Variants in WASHC3 observed in about 807,000 individuals in gnomAD.
WASHC3 encodes WASH complex subunit CCDC53.
WASHC3 carries 24 observed loss-of-function variants against 26.1 expected under a neutral mutation model. The ratio of observed to expected loss-of-function variants is 0.92; its 90% CI spans 0.66 to 1.29. The LOEUF (loss-of-function observed/expected upper bound fraction) is 1.29, where lower values mean the gene tolerates loss of function less well. WASHC3 is among the 50% of genes most tolerant of loss of function. WASHC3 has a pLI of 0.00. For synonymous variants in WASHC3, 77 were observed against 75.7 expected (o/e 1.02, Z -0.09); for missense variants, 214 against 229.6 (o/e 0.93, Z 0.44).
At chr12:102,026,146 T>C (rs1215975351) in intron 5 of WASHC3, 108 bp from the exon 6 acceptor site, 2 of 623,686 alleles carry the variant, frequency 3.2e-6, no homozygotes, top group Non-Finnish European at 5.5e-6. Context: ...TAAAAGTTCT[T>C]ATTCTACTTT....
Position 102,012,980 on chromosome 12 carries a change from TAGA to T in WASHC3, c.*125_*127del. The T allele has an allele frequency of 1.9e-6, 1 of 515,342 alleles. No individual in the cohort carries two copies. The highest frequency in any genetic ancestry group is 3.4e-6 in the Non-Finnish European group (1 of 293,128). The allele number at this position is 515,342 out of a possible 1,614,324, so 31.9% of individuals were successfully genotyped here. A position where few individuals can be genotyped will look rare whatever the true frequency, so the allele number is the denominator to read the frequency against. ...CTGCTTTATTATTATTTTTTTAACA[TAGA>T]AGAAGCTTGGTAGTGGACATGTGGC... On this transcript the variant is annotated 3_prime_UTR_variant, in exon 7 of 7. Coordinates refer to ENST00000240079, the MANE Select transcript of WASHC3 (RefSeq NM_016053.4).
At chr12:102,050,806 G>A (rs963335886) in intron 2 of WASHC3, among the ~76,000 whole-genome samples, 11 of 152,198 alleles carry the variant, frequency 7.2e-5, no homozygotes, top group Admixed American at 4.6e-4. Context: ...GTTGCTTCCT[G>A]CCAACCCCTC....
chr12:102,016,691 T>C (rs1054209484), intron 6 of WASHC3, among the ~76,000 whole-genome samples: 5 of 152,226 alleles, frequency 3.3e-5, no homozygotes, highest in African/African-American at 9.7e-5. Flanking sequence ...AACAGTCATA[T>C]TGATGATCCT....
chr12:102,040,023 G>T, intron 4 of WASHC3, 45 bp from the exon 5 acceptor site: 2 of 845,004 alleles, frequency 2.4e-6, no homozygotes, highest in Non-Finnish European at 3.8e-6. Flanking sequence ...TTTACAAAAG[G>T]GGTCTATCAT....
chr12:102,025,494 G>C (rs998495280), intron 6 of WASHC3, among the ~76,000 whole-genome samples: 2 of 151,484 alleles, frequency 1.3e-5, no homozygotes, highest in African/African-American at 4.9e-5. Flanking sequence ...CATAGACCCA[G>C]AACAGCTTTA....
At chr12:102,046,861 C>T (rs775349502) in intron 2 of WASHC3, among the ~76,000 whole-genome samples, 1 of 152,094 alleles carries the variant, frequency 6.6e-6, no homozygotes, top group East Asian at 1.9e-4. Flanking sequence ...CAAGGTCTGC[C>T]TTTATAAATT....
intron 2 of WASHC3, among the ~76,000 whole-genome samples, chr12:102,051,468 C>G (rs1466512605): frequency 6.6e-6 from 1 of 152,196 alleles, no homozygotes; most frequent in African/African-American, 2.4e-5. Context: ...TATATTACAT[C>G]AAACAGACAT....
intron 2 of WASHC3, among the ~76,000 whole-genome samples, chr12:102,049,770 G>GT (rs1303422002): frequency 3.3e-5 from 5 of 152,140 alleles, no homozygotes; most frequent in African/African-American, 4.8e-5. Flanking sequence ...GCAATGAATG[G>GT]TTTTATTAGG....
intron 4 of WASHC3, chr12:102,043,808 TTTC>T (rs1347544617): frequency 1.1e-4 from 17 of 161,362 alleles, no homozygotes; most frequent in Non-Finnish European, 2.2e-4. Flanking sequence ...TAAAAGTACA[TTTC>T]TTCTAAGAAC....
chr12:102,038,745 A>G (rs1877789045), intron 5 of WASHC3, among the ~76,000 whole-genome samples: 1 of 152,118 alleles, frequency 6.6e-6, no homozygotes, highest in Admixed American at 6.6e-5. Flanking sequence ...GGCTTCAGAA[A>G]AAAAGAACTG....
At chr12:102,031,112 T>C (rs909377570) in intron 5 of WASHC3, among the ~76,000 whole-genome samples, 1 of 152,220 alleles carries the variant, frequency 6.6e-6, no homozygotes, top group African/African-American at 2.4e-5. Context: ...TCTGTAAAAC[T>C]GGCATAATCA....
At chr12:102,039,543 G>C (rs1877849304) in intron 5 of WASHC3, among the ~76,000 whole-genome samples, 1 of 152,066 alleles carries the variant, frequency 6.6e-6, no homozygotes, top group African/African-American at 2.4e-5. Context: ...GATTAAGCTA[G>C]AGTCAACTGA....
intron 2 of WASHC3, among the ~76,000 whole-genome samples, chr12:102,059,048 T>C (rs1446059147): frequency 6.6e-6 from 1 of 151,828 alleles, no homozygotes; most frequent in Admixed American, 6.6e-5. Flanking sequence ...GGGCTTGGGG[T>C]TAAGAGGATT....
chr12:102,026,086 A>G (rs1313273267), intron 5 of WASHC3, 48 bp from the exon 6 acceptor site: 7 of 1,028,162 alleles, frequency 6.8e-6, no homozygotes, highest in Non-Finnish European at 1.0e-5. Flanking sequence ...TGTCTCCTTT[A>G]TATGTCGACA....
At chr12:102,020,275 A>G (rs1876896240) in intron 6 of WASHC3, among the ~76,000 whole-genome samples, 1 of 152,210 alleles carries the variant, frequency 6.6e-6, no homozygotes, top group Non-Finnish European at 1.5e-5. Flanking sequence ...ACACCAAGGA[A>G]GTAAAGGTAG....
intron 6 of WASHC3, among the ~76,000 whole-genome samples, chr12:102,016,543 G>GA (rs1021083236): frequency 6.6e-6 from 1 of 151,566 alleles, no homozygotes; most frequent in Non-Finnish European, 1.5e-5. Flanking sequence ...CTTACTTTTT[G>GA]AAAAAAAAGT....
At chr12:102,026,937 G>A (rs1877219078) in intron 5 of WASHC3, among the ~76,000 whole-genome samples, 2 of 152,078 alleles carry the variant, frequency 1.3e-5, no homozygotes, top group African/African-American at 4.8e-5. Flanking sequence ...GGCATAAGAA[G>A]GAAAGTACAC....
chr12:102,017,809 AT>A (rs1389973766), intron 6 of WASHC3: 1 of 437,066 alleles, frequency 2.3e-6, no homozygotes, highest in East Asian at 7.2e-5. Context: ...AATTTTTCTT[AT>A]TGTAAAATAC....
rs150058571 is a variant in WASHC3, at chr12:102,044,917, C to T, written c.217-705G>A. Among the ~76,000 whole-genome samples the T allele has an allele frequency of 2.9e-3, 442 of 152,164 alleles. 4 individuals are homozygous for T. The highest frequency in any genetic ancestry group is 9.9e-3 in the African/African-American group (412 of 41,512). On this transcript the variant is annotated intron_variant, in intron 3 of 6. Transcript: ENST00000240079. ...TGAGTTCATCCTGATATCAATGACA[C>T]GCATTTGTCGATGTTTGGCTAACTT...
Sources: gnomAD v4.1 joint callset for allele counts (sites outside exome capture counted in the v4.1 genomes callset) on GRCh38, gnomAD v4.1.1 for gene constraint, MANE v1.5 for transcripts, NCBI Gene and HGNC (gene_info 2026-07-23, HGNC 2026-07-21) for gene names.